RGS6: variants seen among roughly 807,000 people sequenced by gnomAD.
The protein encoded by RGS6 is regulator of G protein signaling 6.
In RGS6, 30 loss-of-function variants were observed where a neutral mutation model predicts 78.5. The observed-to-expected ratio is 0.38, with a 90% CI of 0.29 to 0.52. The LOEUF (loss-of-function observed/expected upper bound fraction) is 0.52. Among genes scored for constraint, RGS6 ranks in the 20% least tolerant of loss-of-function variants. The probability of loss-of-function intolerance (pLI) is 0.85; values close to 1 mark genes in which losing one functional copy is unlikely to be tolerated. For missense variants in RGS6, 495 were observed against 609.7 expected (o/e 0.81, Z 1.98); for synonymous variants, 206 against 206.0 (o/e 1.00, Z 0.00).
At chr14:72,265,882 C>A (rs931348832) in intron 2 of RGS6, among the ~76,000 whole-genome samples, 1 of 144,916 alleles carries the variant, frequency 6.9e-6, no homozygotes, top group Non-Finnish European at 1.5e-5. Flanking sequence ...CTTTCCCCAA[C>A]AATTTCAGCC....
chr14:72,047,325 A>G (rs2092926490), intron 2 of RGS6, among the ~76,000 whole-genome samples: 1 of 152,228 alleles, frequency 6.6e-6, no homozygotes, highest in African/African-American at 2.4e-5. Flanking sequence ...ACTGTCTGCC[A>G]GGCCCTGCAC....
intron 2 of RGS6, among the ~76,000 whole-genome samples, chr14:72,170,505 T>A (rs993269807): frequency 6.6e-6 from 1 of 152,196 alleles, no homozygotes; most frequent in Non-Finnish European, 1.5e-5. Flanking sequence ...GGTCACTGAT[T>A]TGCACAATTC....
At chr14:72,186,769 T>C (rs571408681) in intron 2 of RGS6, among the ~76,000 whole-genome samples, 1 of 152,242 alleles carries the variant, frequency 6.6e-6, no homozygotes, top group South Asian at 2.1e-4. Context: ...ACTATGGCAA[T>C]AAGTGCTATT....
At chr14:72,343,082 T>G (rs559066416) in intron 2 of RGS6, among the ~76,000 whole-genome samples, 126 of 152,364 alleles carry the variant, frequency 8.3e-4, no homozygotes, top group Middle Eastern at 3.4e-3. Flanking sequence ...GGGATCACTG[T>G]GTGTATTCGT....
intron 2 of RGS6, among the ~76,000 whole-genome samples, chr14:72,043,401 T>C (rs563846342): frequency 4.6e-5 from 7 of 152,306 alleles, no homozygotes; most frequent in South Asian, 2.1e-4. Flanking sequence ...TAACCTCTTT[T>C]AACATTTTTT....
chr14:71,975,324 G>A (rs903723636), intron 2 of RGS6, among the ~76,000 whole-genome samples: 43 of 152,206 alleles, frequency 2.8e-4, no homozygotes, highest in African/African-American at 1.0e-3. Flanking sequence ...TCCTTCGAAT[G>A]TAATCTGTTT....
chr14:71,904,975 A>G, the RGS6 span, among the ~76,000 whole-genome samples: 1 of 149,640 alleles, frequency 6.7e-6, no homozygotes, highest in African/African-American at 2.5e-5. Context: ...AAATGCTCAT[A>G]GAAAGTGCCG....
chr14:72,413,858 A>G (rs1160571603), intron 3 of RGS6, among the ~76,000 whole-genome samples: 7 of 152,232 alleles, frequency 4.6e-5, no homozygotes, highest in East Asian at 1.9e-4. Context: ...GAAATTCTGG[A>G]TTGAAAATTC....
chr14:72,487,882 C>T (rs1446230483), intron 12 of RGS6, among the ~76,000 whole-genome samples: 2 of 152,182 alleles, frequency 1.3e-5, no homozygotes, highest in Admixed American at 6.5e-5. Context: ...AGTCTCTCCC[C>T]TTCTCATAGA....
intron 3 of RGS6, among the ~76,000 whole-genome samples, chr14:72,416,703 C>A (rs931488901): frequency 6.6e-6 from 1 of 152,174 alleles, no homozygotes; most frequent in African/African-American, 2.4e-5. Flanking sequence ...GGAAATGATC[C>A]TCTGAAGTCA....
chr14:72,003,523 A>T (rs2083901671), intron 2 of RGS6, among the ~76,000 whole-genome samples: 3 of 152,136 alleles, frequency 2.0e-5, no homozygotes, highest in African/African-American at 7.2e-5. Context: ...ACATACCTTG[A>T]TTATTAGCTT....
intron 3 of RGS6, among the ~76,000 whole-genome samples, chr14:72,374,448 C>G (rs2084204866): frequency 6.6e-6 from 1 of 152,144 alleles, no homozygotes; most frequent in South Asian, 2.1e-4. Context: ...TGGAGCCAAC[C>G]CTAATGTCCA....
the RGS6 span, among the ~76,000 whole-genome samples, chr14:72,593,235 C>T: frequency 6.6e-6 from 1 of 152,212 alleles, no homozygotes; most frequent in Non-Finnish European, 1.5e-5. Context: ...TGCATCTTAG[C>T]TGAACATCCG....
intron 2 of RGS6, among the ~76,000 whole-genome samples, chr14:72,348,949 A>G (rs890079133): frequency 1.6e-4 from 25 of 151,922 alleles, no homozygotes; most frequent in Non-Finnish European, 2.4e-4. Flanking sequence ...GGCAGATCAC[A>G]AGGTCAGGAG....
intron 2 of RGS6, among the ~76,000 whole-genome samples, chr14:72,336,026 C>T (rs1595937427): frequency 1.3e-5 from 2 of 152,182 alleles, no homozygotes; most frequent in African/African-American, 4.8e-5. Context: ...TCACTCAGGT[C>T]ATCATGTTTC....
At chr14:71,913,598 A>T in the RGS6 span, among the ~76,000 whole-genome samples, 1 of 152,238 alleles carries the variant, frequency 6.6e-6, no homozygotes, top group Non-Finnish European at 1.5e-5. Context: ...TTGCTTGAAG[A>T]GAGGATGGAC....
intron 2 of RGS6, among the ~76,000 whole-genome samples, chr14:72,224,752 G>A (rs1189775124): frequency 6.6e-6 from 1 of 151,974 alleles, no homozygotes; most frequent in Non-Finnish European, 1.5e-5. Flanking sequence ...TAATCTCTGG[G>A]GACTTAGAGA....
At chr14:71,873,494 A>AT in the RGS6 span, among the ~76,000 whole-genome samples, 1,319 of 151,584 alleles carry the variant, frequency 8.7e-3, 14 homozygotes, top group Middle Eastern at 0.024. Flanking sequence ...GGGTTTTTTG[A>AT]TTTTTTCTTG....
intron 17 of RGS6, chr14:72,541,592 TC>T (rs1245269125): frequency 6.5e-7 from 1 of 1,535,594 alleles, no homozygotes; most frequent in African/African-American, 1.4e-5. Flanking sequence ...TTCTGGGACT[TC>T]CTTCACTCCA....
Sources: allele counts gnomAD v4.1 joint callset (sites outside exome capture counted in the v4.1 genomes callset), GRCh38; gene constraint gnomAD v4.1.1; transcripts MANE v1.5; gene names NCBI Gene and HGNC (gene_info 2026-07-23, HGNC 2026-07-21).